The following INPP4B variants were observed in gnomAD, a reference collection of about 807,000 sequenced individuals.
INPP4B encodes the protein inositol polyphosphate 4-phosphatase type II.
A neutral mutation model predicts 122.5 loss-of-function variants in INPP4B; 55 were observed. That is an observed-to-expected ratio of 0.45 (90% CI 0.36 to 0.56). The LOEUF (loss-of-function observed/expected upper bound fraction) is 0.56. Ranked by LOEUF, INPP4B falls within the 20% of genes least tolerant of loss-of-function variation. The probability of loss-of-function intolerance (pLI) is 0.00; values close to 1 mark genes in which losing one functional copy is unlikely to be tolerated. For missense variants in INPP4B, 1,000 were observed against 1,097.7 expected, an observed-to-expected ratio of 0.91 and a Z score of 1.26; for synonymous variants, 403 against 388.7, an observed-to-expected ratio of 1.04 and a Z score of -0.43.
intron 18 of INPP4B, among the ~76,000 whole-genome samples, chr4:142,136,793 T>C (rs914608682): frequency 2.0e-5 from 3 of 152,168 alleles, no homozygotes; most frequent in Non-Finnish European, 4.4e-5. Flanking sequence ...GTATAAGTTA[T>C]GACTATCTGA....
intron 2 of INPP4B, among the ~76,000 whole-genome samples, chr4:142,640,055 A>G (rs1750044625): frequency 6.6e-6 from 1 of 152,186 alleles, no homozygotes; most frequent in African/African-American, 2.4e-5. Flanking sequence ...GAAAAACCTC[A>G]TAGGAATACT....
At chr4:142,266,967 C>T (rs1167060270) in intron 10 of INPP4B, among the ~76,000 whole-genome samples, 1 of 152,034 alleles carries the variant, frequency 6.6e-6, no homozygotes, top group East Asian at 1.9e-4. Flanking sequence ...ATCCCATTCA[C>T]TTTAAAAAAA....
chr4:142,040,538 A>G (rs1480715710), intron 25 of INPP4B, among the ~76,000 whole-genome samples: 1 of 152,224 alleles, frequency 6.6e-6, no homozygotes, highest in Non-Finnish European at 1.5e-5. Flanking sequence ...GCTTGTTGAA[A>G]GAAAAATTTT....
chr4:142,383,995 C>A, intron 7 of INPP4B: 1 of 683,750 alleles, frequency 1.5e-6, no homozygotes, highest in Non-Finnish European at 2.7e-6. Context: ...CATGTGATGT[C>A]TTGCACTTGG....
At chr4:142,350,025 GAC>G (rs1432756897) in intron 7 of INPP4B, among the ~76,000 whole-genome samples, 1 of 151,832 alleles carries the variant, frequency 6.6e-6, no homozygotes, top group African/African-American at 2.4e-5. Context: ...CTTGCTTTAG[GAC>G]ACAGACTATT....
At chr4:142,103,804 A>AACAC (rs138777974) in intron 23 of INPP4B, among the ~76,000 whole-genome samples, 8 of 151,578 alleles carry the variant, frequency 5.3e-5, no homozygotes, top group African/African-American at 1.9e-4. Flanking sequence ...ATTGTTCATA[A>AACAC]ACACACACAC....
chr4:142,082,289 G>C, intron 24 of INPP4B, 104 bp from the exon 25 acceptor site: 2 of 987,426 alleles, frequency 2.0e-6, no homozygotes, highest in Non-Finnish European at 2.8e-6. Context: ...TATAAATTTG[G>C]GTTTCTGTTA....
intron 2 of INPP4B, among the ~76,000 whole-genome samples, chr4:142,664,344 T>C (rs1755675694): frequency 6.6e-6 from 1 of 152,154 alleles, no homozygotes; most frequent in African/African-American, 2.4e-5. Context: ...CAGGTCCCTT[T>C]TCAACCTTGT....
Position 142,132,037 on chromosome 4 carries a change from T to A in INPP4B, c.1721-7277A>T, listed in dbSNP as rs1305908867. Among the ~76,000 whole-genome samples, 12 of 152,262 alleles carry A rather than the reference T, an allele frequency of 7.9e-5. No homozygotes were observed. In the East Asian group the frequency reaches 2.3e-3, roughly 29 times the overall value. Reference sequence around the variant, plus strand: ...ATCTCCCTTTTCCTCTATCTCGGTTTCTCTGTGGGTGTGAACATCACCATA... The same window carrying A: ...ATCTCCCTTTTCCTCTATCTCGGTTACTCTGTGGGTGTGAACATCACCATA... On this transcript the variant is annotated intron_variant, in intron 18 of 25. Transcript: ENST00000262992.
intron 2 of INPP4B, among the ~76,000 whole-genome samples, chr4:142,531,666 T>A (rs192333711): frequency 6.6e-6 from 1 of 152,124 alleles, no homozygotes; most frequent in Admixed American, 6.6e-5. Flanking sequence ...ATAAAATTTC[T>A]TTTGAGTAGA....
intron 23 of INPP4B, among the ~76,000 whole-genome samples, chr4:142,089,437 CCA>C (rs36203495): frequency 0.046 from 6,437 of 141,392 alleles, 353 homozygotes; most frequent in African/African-American, 0.13. Flanking sequence ...GATGTTCTCA[CCA>C]CACACACACA....
intron 15 of INPP4B, among the ~76,000 whole-genome samples, chr4:142,187,087 GA>G (rs34263284): frequency 0.99 from 150,118 of 151,302 alleles, 74,480 homozygotes; most frequent in East Asian, 1. Context: ...CTCACAGGAG[GA>G]AAAAAAAAAT....
intron 5 of INPP4B, among the ~76,000 whole-genome samples, chr4:142,415,868 C>T (rs1479713082): frequency 1.3e-5 from 2 of 151,954 alleles, no homozygotes; most frequent in African/African-American, 4.8e-5. Context: ...ATGGATGAAG[C>T]TGGAAACCAT....
intron 11 of INPP4B, among the ~76,000 whole-genome samples, chr4:142,241,230 ATT>A (rs33987551): frequency 6.7e-6 from 1 of 149,364 alleles, no homozygotes; most frequent in Non-Finnish European, 1.5e-5. Flanking sequence ...TCTCATCTTC[ATT>A]TTTTTTTTAC....
At chr4:142,483,121 T>C (rs1820761629) in intron 2 of INPP4B, among the ~76,000 whole-genome samples, 1 of 139,118 alleles carries the variant, frequency 7.2e-6, no homozygotes, top group Non-Finnish European at 1.5e-5. Context: ...TCCCCAGTGA[T>C]ACAAAAATAA....
At chr4:142,336,307 T>TG (rs916722372) in intron 7 of INPP4B, among the ~76,000 whole-genome samples, 1 of 152,040 alleles carries the variant, frequency 6.6e-6, no homozygotes, top group Non-Finnish European at 1.5e-5. Context: ...TGAGGGGTAG[T>TG]GGGGGAGAAA....
chr4:142,381,363 T>C (rs894436034), intron 7 of INPP4B, among the ~76,000 whole-genome samples: 2 of 152,162 alleles, frequency 1.3e-5, no homozygotes, highest in African/African-American at 4.8e-5. Flanking sequence ...ATGTTTCTTG[T>C]TTTTATTTTA....
chr4:142,593,694 C>G (rs10002299), intron 2 of INPP4B, among the ~76,000 whole-genome samples: 2,141 of 152,220 alleles, frequency 0.014, 38 homozygotes, highest in African/African-American at 0.041. Context: ...CACTTTCTCT[C>G]TTTCTCCATA....
At position 142,107,324 on chromosome 4, in the gene INPP4B, C is replaced by T. The variant is rs7687225; in HGVS notation, c.2374+769G>A. 9.8e-3 allele frequency among the ~76,000 whole-genome samples: 1,495 copies of T among 152,138 alleles called. 25 individuals carry two copies. The highest frequency in any genetic ancestry group is 0.033 in the African/African-American group (1,385 of 41,508). On this transcript the variant is annotated intron_variant, in intron 23 of 25. Coordinates refer to ENST00000262992, the MANE Select transcript of INPP4B (RefSeq NM_001101669.3). The stretch of plus-strand genomic sequence containing the variant: ...TTCATGATTACAGAACAAATAGTAA[C>T]GAGTAGACTTTGATTACAGTTTTTG...
Sources: gnomAD v4.1 joint callset for allele counts (sites outside exome capture counted in the v4.1 genomes callset) on GRCh38, gnomAD v4.1.1 for gene constraint, MANE v1.5 for transcripts, NCBI Gene and HGNC (gene_info 2026-07-23, HGNC 2026-07-21) for gene names.